The following RBFOX1 variants were observed in gnomAD, a reference collection of about 807,000 sequenced individuals.
RBFOX1 encodes the protein RNA binding fox-1 homolog 1, also known as RNA binding protein fox-1 homolog 1.
RBFOX1 carries 8 observed loss-of-function variants against 57.7 expected under a neutral mutation model. The observed-to-expected ratio is 0.14, with a 90% CI of 0.08 to 0.25. RBFOX1 has a LOEUF of 0.25. RBFOX1 is among the 10% of genes least tolerant of loss of function. RBFOX1 has a pLI of 1.00. For missense variants in RBFOX1, 611 were observed against 548.5 expected (o/e 1.11, Z -1.14); for synonymous variants, 326 against 222.4 (o/e 1.47, Z -4.15).
chr16:7,235,138 G>A (rs1475106036), intron 4 of RBFOX1, among the ~76,000 whole-genome samples: 2 of 152,208 alleles, frequency 1.3e-5, no homozygotes, highest in Non-Finnish European at 1.5e-5. Flanking sequence ...ATCGGTAGTA[G>A]TCACACTAAT....
rs117616293 is a variant in RBFOX1 at position 6,456,570 on chromosome 16, C to A, written c.-64+139513C>A. Among the ~76,000 whole-genome samples, 713 of 152,278 alleles carry A rather than the reference C, an allele frequency of 4.7e-3. 19 individuals are homozygous for A. In the East Asian group the frequency reaches 0.093, roughly 20 times the overall value. On this transcript the variant is annotated intron_variant, in intron 2 of 15. Coordinates refer to ENST00000550418, the MANE Select transcript of RBFOX1 (RefSeq NM_018723.4). ...TTTTACTTTAAGGACAATTGGGAAC[C>A]ATTGAAGTGGATCAAATTTTCTATT...
rs1169721741 is a variant in RBFOX1, at chr16:6,785,046, T to A, written c.-16+130396T>A. ...TTCTGAGTGAAAAAAAATAGGCATT[T>A]AACATAAAAGAGATTACTCTTAGGA... On this transcript the variant is annotated intron_variant, in intron 3 of 15. Transcript: ENST00000550418. 3.9e-5 allele frequency among the ~76,000 whole-genome samples: 6 copies of A among 152,274 alleles called. No individual in the cohort carries two copies. In the South Asian group the frequency reaches 6.2e-4, roughly 16 times the overall value.
At chr16:5,437,525 C>G (rs777560065) in intron 1 of RBFOX1, among the ~76,000 whole-genome samples, 27 of 152,096 alleles carry the variant, frequency 1.8e-4, no homozygotes, top group Non-Finnish European at 2.8e-4. Flanking sequence ...GCATATCCAA[C>G]CATAGATGAA....
chr16:6,687,944 G>A (rs542955164), intron 3 of RBFOX1, among the ~76,000 whole-genome samples: 38 of 152,310 alleles, frequency 2.5e-4, no homozygotes, highest in Non-Finnish European at 4.0e-4. Flanking sequence ...TTGAGTGAGA[G>A]CTTCAGAAAT....
chr16:6,226,435 C>G (rs997750144), intron 1 of RBFOX1, among the ~76,000 whole-genome samples: 3 of 150,698 alleles, frequency 2.0e-5, no homozygotes, highest in African/African-American at 7.3e-5. Flanking sequence ...TGAAGTAAGC[C>G]TGTCTATGTC....
intron 4 of RBFOX1, among the ~76,000 whole-genome samples, chr16:7,272,904 C>A (rs1321783505): frequency 7.3e-6 from 1 of 136,836 alleles, no homozygotes; most frequent in Non-Finnish European, 1.6e-5. Context: ...TCCCTCCTTT[C>A]TTCCTCCCTC....
intron 3 of RBFOX1, among the ~76,000 whole-genome samples, chr16:6,898,632 G>A (rs4786947): frequency 0.79 from 120,338 of 152,118 alleles, 48,491 homozygotes; most frequent in African/African-American, 0.95. Context: ...TAAAATACTG[G>A]AGTGTTTCTG....
At chr16:7,391,087 C>G (rs532826462) in intron 4 of RBFOX1, among the ~76,000 whole-genome samples, 1 of 152,100 alleles carries the variant, frequency 6.6e-6, no homozygotes, top group Non-Finnish European at 1.5e-5. Context: ...GAACATAGCT[C>G]TTATCCTTAA....
intron 1 of RBFOX1, among the ~76,000 whole-genome samples, chr16:6,095,848 A>G (rs7199064): frequency 0.94 from 143,452 of 152,282 alleles, 67,655 homozygotes; most frequent in African/African-American, 0.97. Flanking sequence ...ATATGAAGGT[A>G]GGCCCACAGT....
At chr16:7,049,952 T>G (rs568338374) in intron 3 of RBFOX1, among the ~76,000 whole-genome samples, 65 of 152,350 alleles carry the variant, frequency 4.3e-4, no homozygotes, top group Non-Finnish European at 4.6e-4. Context: ...ATATCCAGTT[T>G]GAGAACATTT....
chr16:6,579,386 G>C (rs1188841324), intron 2 of RBFOX1, among the ~76,000 whole-genome samples: 2 of 151,936 alleles, frequency 1.3e-5, no homozygotes, highest in Admixed American at 6.6e-5. Flanking sequence ...TTGGCTTTGT[G>C]TCTCCACCCA....
intron 3 of RBFOX1, among the ~76,000 whole-genome samples, chr16:6,677,549 AAATT>A (rs2057945669): frequency 6.6e-6 from 1 of 152,228 alleles, no homozygotes; most frequent in Non-Finnish European, 1.5e-5. Context: ...GATTAAATAA[AAATT>A]AAGCCCGGAA....
intron 7 of RBFOX1, among the ~76,000 whole-genome samples, chr16:7,588,171 T>G (rs1375972817): frequency 6.6e-6 from 1 of 152,076 alleles, no homozygotes; most frequent in Non-Finnish European, 1.5e-5. Context: ...CAGAGCAAGA[T>G]CCTATCTCAA....
At chr16:6,494,241 G>C (rs995766590) in intron 2 of RBFOX1, among the ~76,000 whole-genome samples, 2 of 152,136 alleles carry the variant, frequency 1.3e-5, no homozygotes, top group African/African-American at 4.8e-5. Flanking sequence ...TTACTTGCAC[G>C]TATTTGTGTG....
chr16:7,572,735 A>G (rs1415671569), intron 5 of RBFOX1, among the ~76,000 whole-genome samples: 1 of 152,042 alleles, frequency 6.6e-6, no homozygotes, highest in East Asian at 1.9e-4. Flanking sequence ...GCTACTCGGG[A>G]GGCTGAGGCA....
intron 3 of RBFOX1, among the ~76,000 whole-genome samples, chr16:6,901,155 T>C (rs368649987): frequency 6.6e-6 from 1 of 152,102 alleles, no homozygotes; most frequent in Non-Finnish European, 1.5e-5. Context: ...CTCTTTCATG[T>C]CTCCCATCCT....
intron 14 of RBFOX1, among the ~76,000 whole-genome samples, chr16:7,703,024 T>C (rs538672236): frequency 3.3e-5 from 5 of 152,276 alleles, no homozygotes; most frequent in South Asian, 2.1e-4. Flanking sequence ...CTGCTAAATC[T>C]CATTTGACCC....
intron 3 of RBFOX1, among the ~76,000 whole-genome samples, chr16:6,670,078 GTGGTATGATCA>G (rs1425633367): frequency 6.6e-6 from 1 of 152,160 alleles, no homozygotes; most frequent in Non-Finnish European, 1.5e-5. Context: ...TTGGAGTGCA[GTGGTATGATCA>G]TGGCTCACTG....
At chr16:7,218,205 C>G (rs563747530) in intron 4 of RBFOX1, among the ~76,000 whole-genome samples, 1 of 152,118 alleles carries the variant, frequency 6.6e-6, no homozygotes, top group Admixed American at 6.5e-5. Flanking sequence ...TGAGTTTAAA[C>G]CTTATGTCTT....
Sources: allele counts gnomAD v4.1 joint callset (sites outside exome capture counted in the v4.1 genomes callset), GRCh38; gene constraint gnomAD v4.1.1; transcripts MANE v1.5; gene names NCBI Gene and HGNC (gene_info 2026-07-23, HGNC 2026-07-21).